Variants in GOLGA6D observed in about 807,000 individuals in gnomAD.
GOLGA6D encodes golgin subfamily A member 6D.
Under a neutral mutation model 42.1 loss-of-function variants are expected in GOLGA6D, and 9 were observed. That is an observed-to-expected ratio of 0.21 (90% CI 0.13 to 0.37). The LOEUF (loss-of-function observed/expected upper bound fraction) is 0.37, where lower values mean the gene tolerates loss of function less well. Among genes scored for constraint, GOLGA6D ranks in the 10% least tolerant of loss-of-function variants. The probability of loss-of-function intolerance (pLI) is 1.00; values close to 1 mark genes in which losing one functional copy is unlikely to be tolerated. For synonymous variants in GOLGA6D, 39 were observed against 167.3 expected (o/e 0.23, Z 5.92); for missense variants, 87 against 420.8 (o/e 0.21, Z 6.94).
At chr15:75,278,621 CCT>C (rs1251124979), upstream of GOLGA6D, among the ~76,000 whole-genome samples, 60 of 151,654 alleles carry the variant, frequency 4.0e-4, no homozygotes, top group Admixed American at 9.2e-4. Context: ...CACAAGCTGC[CCT>C]CTCTTTTTCC....
chr15:75,294,414 C>T lies in GOLGA6D; in HGVS notation c.2021C>T (p.Pro674Leu). Residue 674 changes from proline to leucine, a missense_variant, in exon 18 of 18, where the codon CCC becomes CTC. Pro to Leu is a moderately conservative substitution (Grantham distance 98, BLOSUM62 -3). Coordinates refer to ENST00000434739, the MANE Select transcript of GOLGA6D (RefSeq NM_001145224.3). Reference sequence around the variant, plus strand: ...CCAGGAGTGGCCAGGGAGGGTTCTCCCCATAACAACCCCACTGTACAGCAG... The same window carrying T: ...CCAGGAGTGGCCAGGGAGGGTTCTCTCCATAACAACCCCACTGTACAGCAG... Reference protein sequence around the residue: ...PAPGVAREGSPHNNPTVQQIV... With the variant: ...PAPGVAREGSLHNNPTVQQIV... 2.5e-6 allele frequency: 4 copies of T among 1,598,420 alleles called. No homozygotes were observed. Among genetic ancestry groups the T allele is most frequent in the African/African-American group, 1.5e-5 (1 of 67,080 alleles).
chr15:75,294,652 G>A lies in GOLGA6D; in HGVS notation c.*177G>A, dbSNP rs183460737. Reference sequence around the variant, plus strand: ...ATTCATTTACTCCATTTGAATGCTAGAGCCACTCACTTTTATTTGTGTTTC... The same window carrying A: ...ATTCATTTACTCCATTTGAATGCTAAAGCCACTCACTTTTATTTGTGTTTC... On this transcript the variant is annotated 3_prime_UTR_variant, in exon 18 of 18. Coordinates refer to ENST00000434739, the MANE Select transcript of GOLGA6D (RefSeq NM_001145224.3). 7.2e-5 allele frequency: 72 copies of A among 998,544 alleles called. 1 individual carries two copies. The East Asian group carries it at 1.9e-3, about 26-fold the overall frequency. 61.9% of individuals were successfully genotyped at this position (998,544 alleles called of 1,614,324 possible).
the GOLGA6D span, among the ~76,000 whole-genome samples, chr15:75,277,787 G>A: frequency 3.4e-5 from 5 of 149,028 alleles, no homozygotes; most frequent in South Asian, 2.1e-4. Context: ...GGGCGACAGA[G>A]TGACACCCTG....
chr15:75,294,351 T>C lies in GOLGA6D; in HGVS notation c.1958T>C (p.Phe653Ser). The C allele has an allele frequency of 1.3e-6, 2 of 1,596,118 alleles. No homozygotes were observed. Among genetic ancestry groups the C allele is most frequent in the Non-Finnish European group, 1.7e-6 (2 of 1,177,748 alleles). Reference protein sequence around the residue: ...ELGAAGEQDVFYEVSLDNNVE... With the variant: ...ELGAAGEQDVSYEVSLDNNVE... ...CCCCGCCTCCCTCTCTCCGAAGTTT[T>C]TTATGAAGTGAGCCTGGACAACAAC... The change falls in exon 18 of 18, where the codon TTT becomes TCT. Residue 653 changes from phenylalanine (F) to serine (S), a missense_variant. By Grantham distance (155) the Phe-to-Ser change is radical. Coordinates refer to ENST00000434739, the MANE Select transcript of GOLGA6D (RefSeq NM_001145224.3).
chr15:75,278,545 A>C (rs1346057766), upstream of GOLGA6D, among the ~76,000 whole-genome samples: 1 of 151,144 alleles, frequency 6.6e-6, no homozygotes, highest in African/African-American at 2.5e-5. Flanking sequence ...CACCATCAGC[A>C]CTTCCCCATC....
the GOLGA6D span, among the ~76,000 whole-genome samples, chr15:75,277,692 G>A: frequency 1.5e-5 from 2 of 130,566 alleles, no homozygotes; most frequent in Non-Finnish European, 3.1e-5. Flanking sequence ...CAGGCACGGT[G>A]GTGCCTGTGG....
At position 75,293,467 on chromosome 15, in the gene GOLGA6D, C is replaced by T. The variant is rs530611464; in HGVS notation, c.1594-262C>T. ...AGCCAGTTCCCAGGAGGAGCAGGCA[C>T]GGCTATGTGGGCAGCGGAAGGTGTG... On this transcript the variant is annotated intron_variant, in intron 14 of 17. Coordinates refer to ENST00000434739, the MANE Select transcript of GOLGA6D (RefSeq NM_001145224.3). Among the ~76,000 whole-genome samples the T allele has an allele frequency of 2.0e-3, 296 of 145,958 alleles. 2 individuals carry two copies. The highest frequency in any genetic ancestry group is 2.2e-3 in the South Asian group (10 of 4,602).
the GOLGA6D span, among the ~76,000 whole-genome samples, chr15:75,276,249 C>T: frequency 6.0e-5 from 9 of 150,856 alleles, no homozygotes; most frequent in South Asian, 2.1e-4. Context: ...TCTGTCCCTT[C>T]CTAGCCCCCT....
Position 75,289,381 on chromosome 15 carries a change from A to C in GOLGA6D, c.565-16A>C, listed in dbSNP as rs1595819932. On this transcript the variant is annotated splice_polypyrimidine_tract_variant and intron_variant, in intron 7 of 17. Transcript: ENST00000434739. The stretch of plus-strand genomic sequence containing the variant: ...CGAGCTCCCCAGATCAAAACTTCTC[A>C]CTCTTCACCATCCAGTCCTCGAGCT... 1.9e-6 allele frequency: 3 copies of C among 1,548,112 alleles called. No homozygotes were observed. The highest frequency in any genetic ancestry group is 2.6e-6 in the Non-Finnish European group (3 of 1,144,310).
chr15:75,276,151 G>GCC, the GOLGA6D span, among the ~76,000 whole-genome samples: 115 of 151,054 alleles, frequency 7.6e-4, 2 homozygotes, highest in African/African-American at 2.7e-3. Flanking sequence ...TGTCTTGAAT[G>GCC]CCCCCTCACC....
At position 75,294,648 on chromosome 15, in the gene GOLGA6D, G is replaced by C; in HGVS notation, c.*173G>C. ...CACAATTCATTTACTCCATTTGAATGCTAGAGCCACTCACTTTTATTTGTG... is the reference window on the plus strand; with the variant it reads ...CACAATTCATTTACTCCATTTGAATCCTAGAGCCACTCACTTTTATTTGTG... On this transcript the variant is annotated 3_prime_UTR_variant, in exon 18 of 18. Coordinates refer to ENST00000434739, the MANE Select transcript of GOLGA6D (RefSeq NM_001145224.3). The C allele has an allele frequency of 1.0e-6, 1 of 978,018 alleles. No homozygotes were observed. 60.6% of individuals were successfully genotyped at this position (978,018 alleles called of 1,614,324 possible).
upstream of GOLGA6D, among the ~76,000 whole-genome samples, chr15:75,278,580 C>T (rs547206428): frequency 1.3e-5 from 2 of 151,530 alleles, no homozygotes; most frequent in African/African-American, 4.9e-5. Context: ...CAGCTGGGAG[C>T]CATGTGCAGA....
chr15:75,276,648 A>G, the GOLGA6D span, among the ~76,000 whole-genome samples: 2 of 34,254 alleles, frequency 5.8e-5, no homozygotes, highest in East Asian at 5.8e-4. Flanking sequence ...ATTCTCTCCC[A>G]TGACGCCTGT....
At chr15:75,276,129 G>A in the GOLGA6D span, among the ~76,000 whole-genome samples, 590 of 151,822 alleles carry the variant, frequency 3.9e-3, 14 homozygotes, top group African/African-American at 0.013. Flanking sequence ...GGTTTGAGGT[G>A]GGCTGGAGGT....
Position 75,294,432 on chromosome 15 carries a change from T to C in GOLGA6D, c.2039T>C (p.Val680Ala), listed in dbSNP as rs780132431. ...GGTTCTCCCCATAACAACCCCACTGTACAGCAGATCGTGCAGCTGTCTCCT... is the reference window on the plus strand; with the variant it reads ...GGTTCTCCCCATAACAACCCCACTGCACAGCAGATCGTGCAGCTGTCTCCT... Reference protein sequence around the residue: ...REGSPHNNPTVQQIVQLSPVM... With the variant: ...REGSPHNNPTAQQIVQLSPVM... The change falls in exon 18 of 18, where the codon GTA becomes GCA. Residue 680 changes from valine (V) to alanine (A), a missense_variant. Coordinates refer to ENST00000434739, the MANE Select transcript of GOLGA6D (RefSeq NM_001145224.3). 19 of 1,597,960 alleles carry C rather than the reference T, an allele frequency of 1.2e-5. No homozygotes were observed. The highest frequency in any genetic ancestry group is 6.7e-5 in the East Asian group (3 of 44,758).
upstream of GOLGA6D, among the ~76,000 whole-genome samples, chr15:75,278,639 A>G (rs2070835984): frequency 6.6e-6 from 1 of 151,568 alleles, no homozygotes; most frequent in African/African-American, 2.4e-5. Context: ...TTTCCTCTCC[A>G]CCCTTGCTGT....
At chr15:75,288,784 G>A (rs2070866083) in intron 7 of GOLGA6D, among the ~76,000 whole-genome samples, 2 of 141,542 alleles carry the variant, frequency 1.4e-5, no homozygotes, top group Admixed American at 7.1e-5. Flanking sequence ...ATGTCTGCAA[G>A]CATTCATAAA....
chr15:75,294,290 A>C (rs1181326105), intron 17 of GOLGA6D, 29 bp downstream of exon 17: 6 of 1,525,280 alleles, frequency 3.9e-6, no homozygotes, highest in Non-Finnish European at 5.3e-6. Flanking sequence ...CGGGGTGGGC[A>C]GGCAGGGGCA....
rs2070896291 is a variant in GOLGA6D at position 75,294,555 on chromosome 15, T to G, written c.*80T>G. Reference sequence around the variant, plus strand: ...GAGAACAGGGAGATAAACATCATCATCTTCTAAGAGCTGGTCAAGAAATTT... The same window carrying G: ...GAGAACAGGGAGATAAACATCATCAGCTTCTAAGAGCTGGTCAAGAAATTT... On this transcript the variant is annotated 3_prime_UTR_variant, in exon 18 of 18. Transcript: ENST00000434739. 2 of 1,244,046 alleles carry G rather than the reference T, an allele frequency of 1.6e-6. No individual in the cohort carries two copies. 77.1% of individuals were successfully genotyped at this position (1,244,046 alleles called of 1,614,324 possible). A position where few individuals can be genotyped will look rare whatever the true frequency, so the allele number is the denominator to read the frequency against.
Sources: allele counts gnomAD v4.1 joint callset (sites outside exome capture counted in the v4.1 genomes callset), GRCh38; gene constraint gnomAD v4.1.1; transcripts MANE v1.5; gene names NCBI Gene and HGNC (gene_info 2026-07-23, HGNC 2026-07-21).